RBPJ: variants seen among roughly 807,000 people sequenced by gnomAD.
RBPJ encodes recombining binding protein suppressor of hairless.
Under a neutral mutation model 67.8 loss-of-function variants are expected in RBPJ, and 9 were observed. The ratio of observed to expected loss-of-function variants is 0.13; its 90% CI spans 0.08 to 0.23. The LOEUF is 0.23. RBPJ is among the 10% of genes least tolerant of loss of function. The pLI is 1.00. For synonymous variants in RBPJ, 198 were observed against 203.3 expected (o/e 0.97, Z 0.22); for missense variants, 305 against 595.6 (o/e 0.51, Z 5.08).
upstream of RBPJ, chr4:26,320,942 A>G: frequency 1.2e-6 from 2 of 1,608,440 alleles, no homozygotes; most frequent in Non-Finnish European, 1.7e-6. Context: ...GGAGTGAGGA[A>G]AAAGGGAAGG....
chr4:26,304,992 C>T (rs527619423), intron 1 of RBPJ, among the ~76,000 whole-genome samples: 1 of 152,112 alleles, frequency 6.6e-6, no homozygotes, highest in African/African-American at 2.4e-5. Context: ...AGATTTAGGG[C>T]TATGATCTAA....
At chr4:26,334,017 C>G (rs553440326) in intron 1 of RBPJ, among the ~76,000 whole-genome samples, 2 of 151,382 alleles carry the variant, frequency 1.3e-5, no homozygotes, top group Non-Finnish European at 2.9e-5. Flanking sequence ...GGATGTTGTT[C>G]TATCAGTTAA....
chr4:26,416,505 C>T (rs981466806), intron 4 of RBPJ, among the ~76,000 whole-genome samples: 8 of 152,148 alleles, frequency 5.3e-5, no homozygotes, highest in South Asian at 2.1e-4. Flanking sequence ...GCTGGGATTA[C>T]GGGTGTGTGC....
At chr4:26,343,438 A>T (rs1359093050) in intron 1 of RBPJ, among the ~76,000 whole-genome samples, 2 of 152,374 alleles carry the variant, frequency 1.3e-5, no homozygotes, top group South Asian at 2.1e-4. Flanking sequence ...GCCTAAAGAT[A>T]TAAATATTGG....
intron 1 of RBPJ, among the ~76,000 whole-genome samples, chr4:26,204,361 C>T (rs1014438378): frequency 3.3e-5 from 5 of 152,172 alleles, no homozygotes; most frequent in African/African-American, 1.2e-4. Flanking sequence ...AAAGAGGTGT[C>T]GCCTTTGAAG....
At chr4:26,375,477 A>G (rs1729626841) in intron 1 of RBPJ, among the ~76,000 whole-genome samples, 1 of 152,140 alleles carries the variant, frequency 6.6e-6, no homozygotes, top group South Asian at 2.1e-4. Context: ...ATGGGCACTT[A>G]CATGTGTGTT....
intron 1 of RBPJ, among the ~76,000 whole-genome samples, chr4:26,239,086 G>A (rs1273512815): frequency 6.6e-6 from 1 of 152,078 alleles, no homozygotes; most frequent in African/African-American, 2.4e-5. Context: ...CCAAAGCAAC[G>A]ACTGCTCAGA....
chr4:26,400,028 A>G (rs948664570), intron 2 of RBPJ, among the ~76,000 whole-genome samples: 5 of 152,198 alleles, frequency 3.3e-5, no homozygotes, highest in South Asian at 2.1e-4. Flanking sequence ...TTAGTAAACA[A>G]TAGACTTCAA....
chr4:26,417,504 G>A (rs937979608), intron 4 of RBPJ, among the ~76,000 whole-genome samples: 1 of 152,116 alleles, frequency 6.6e-6, no homozygotes, highest in Non-Finnish European at 1.5e-5. Flanking sequence ...AAAATACCTA[G>A]TAATAGGTTA....
chr4:26,405,514 G>C (rs1733310919), intron 2 of RBPJ, among the ~76,000 whole-genome samples: 1 of 152,102 alleles, frequency 6.6e-6, no homozygotes, highest in South Asian at 2.1e-4. Flanking sequence ...CAATAAATAT[G>C]TAGAGTTGTT....
chr4:26,396,302 T>G (rs1732109991), intron 2 of RBPJ, among the ~76,000 whole-genome samples: 1 of 152,206 alleles, frequency 6.6e-6, no homozygotes, highest in Non-Finnish European at 1.5e-5. Context: ...GGGTTGCAAA[T>G]AAGATTCAAC....
At chr4:26,124,646 C>A in the RBPJ span, among the ~76,000 whole-genome samples, 5 of 151,508 alleles carry the variant, frequency 3.3e-5, no homozygotes, top group Admixed American at 1.3e-4. Flanking sequence ...ACTTCTAGTT[C>A]TTTAAGGAAT....
intron 2 of RBPJ, among the ~76,000 whole-genome samples, chr4:26,399,146 A>G (rs567069681): frequency 6.6e-6 from 1 of 152,116 alleles, no homozygotes; most frequent in African/African-American, 2.4e-5. Flanking sequence ...CCTTATCAGC[A>G]TGACTTACGT....
intron 1 of RBPJ, among the ~76,000 whole-genome samples, chr4:26,383,116 T>C (rs1411969546): frequency 6.6e-6 from 1 of 152,238 alleles, no homozygotes; most frequent in African/African-American, 2.4e-5. Flanking sequence ...TGTAAAATAC[T>C]GTCCAGACTC....
chr4:26,236,108 A>G (rs560455738), intron 1 of RBPJ, among the ~76,000 whole-genome samples: 21 of 152,218 alleles, frequency 1.4e-4, no homozygotes, highest in Non-Finnish European at 2.4e-4. Context: ...GCCCAGAAAT[A>G]GAATTGTGGA....
intron 3 of RBPJ, among the ~76,000 whole-genome samples, chr4:26,411,367 T>C (rs1213152468): frequency 1.3e-5 from 2 of 150,514 alleles, no homozygotes; most frequent in African/African-American, 4.9e-5. Context: ...ATTCTTGCCT[T>C]TTTTTTTTGT....
intron 1 of RBPJ, among the ~76,000 whole-genome samples, chr4:26,220,113 T>G (rs565533601): frequency 5.3e-5 from 8 of 152,258 alleles, no homozygotes; most frequent in African/African-American, 1.9e-4. Context: ...GGGACTCTTC[T>G]TCAGAGTTTG....
At chr4:26,158,098 A>G in the RBPJ span, among the ~76,000 whole-genome samples, 4 of 152,200 alleles carry the variant, frequency 2.6e-5, no homozygotes, top group Non-Finnish European at 5.9e-5. Flanking sequence ...AAAATCTACA[A>G]TGGGTGATTC....
At chr4:26,134,483 G>C in the RBPJ span, among the ~76,000 whole-genome samples, 1 of 152,342 alleles carries the variant, frequency 6.6e-6, no homozygotes, top group East Asian at 1.9e-4. Context: ...GTGGAGGACT[G>C]TCTCATGGAG....
Sources: gnomAD v4.1 joint callset for allele counts (sites outside exome capture counted in the v4.1 genomes callset) on GRCh38, gnomAD v4.1.1 for gene constraint, MANE v1.5 for transcripts, NCBI Gene and HGNC (gene_info 2026-07-23, HGNC 2026-07-21) for gene names.